DNM1L: variants seen among roughly 807,000 people sequenced by gnomAD.
The protein encoded by DNM1L is dynamin 1L.
In DNM1L, 33 loss-of-function variants were observed where a neutral mutation model predicts 92.8. The observed-to-expected ratio is 0.36, with a 90% CI of 0.27 to 0.48. The LOEUF (loss-of-function observed/expected upper bound fraction) is 0.48. Among genes scored for constraint, DNM1L ranks in the 20% least tolerant of loss-of-function variants. The probability of loss-of-function intolerance (pLI) is 0.99; values close to 1 mark genes in which losing one functional copy is unlikely to be tolerated. For synonymous variants in DNM1L, 284 were observed against 305.0 expected (o/e 0.93, Z 0.72); for missense variants, 485 against 888.8 (o/e 0.55, Z 5.78).
chr12:32,742,964 C>T (rs1040497869), intron 19 of DNM1L, among the ~76,000 whole-genome samples: 4 of 137,582 alleles, frequency 2.9e-5, no homozygotes, highest in Admixed American at 7.9e-5. Context: ...GGCACAATCT[C>T]GGCTCACTGC....
At chr12:32,736,992 TGA>T in intron 13 of DNM1L, 111 bp from the exon 14 acceptor site, 1 of 955,162 alleles carries the variant, frequency 1.0e-6, no homozygotes, top group East Asian at 2.6e-5. Flanking sequence ...GTCCCAACAG[TGA>T]GAGGATGTAT....
At chr12:32,686,335 CTG>C (rs1264134027) in intron 1 of DNM1L, among the ~76,000 whole-genome samples, 1 of 152,182 alleles carries the variant, frequency 6.6e-6, no homozygotes, top group African/African-American at 2.4e-5. Flanking sequence ...GTGTGAGCCA[CTG>C]TGCCCAGCCA....
At chr12:32,693,480 C>T (rs926863864) in intron 1 of DNM1L, among the ~76,000 whole-genome samples, 1 of 152,032 alleles carries the variant, frequency 6.6e-6, no homozygotes, top group African/African-American at 2.4e-5. Flanking sequence ...TGGTTTTGTA[C>T]ATTTTGTATA....
intron 1 of DNM1L, among the ~76,000 whole-genome samples, chr12:32,691,999 A>G (rs946497296): frequency 1.0e-4 from 13 of 130,398 alleles, no homozygotes; most frequent in Non-Finnish European, 4.7e-5. Flanking sequence ...GGGAAAGAGA[A>G]TCAGACTGGC....
At chr12:32,735,948 A>T (rs1473874383) in intron 13 of DNM1L, among the ~76,000 whole-genome samples, 1 of 152,096 alleles carries the variant, frequency 6.6e-6, no homozygotes, top group African/African-American at 2.4e-5. Context: ...TGTGTTCATG[A>T]AATACTTCCT....
At chr12:32,695,433 C>T (rs1952402339) in intron 1 of DNM1L, among the ~76,000 whole-genome samples, 1 of 151,880 alleles carries the variant, frequency 6.6e-6, no homozygotes, top group South Asian at 2.1e-4. Context: ...AATTAATTTG[C>T]ATAAGAAAAA....
At chr12:32,729,255 G>A (rs1345402355) in intron 9 of DNM1L, among the ~76,000 whole-genome samples, 2 of 150,984 alleles carry the variant, frequency 1.3e-5, no homozygotes, top group Non-Finnish European at 2.9e-5. Flanking sequence ...CTAATTTTTT[G>A]TATTTTTAGT....
At chr12:32,729,559 C>A (rs1954405233) in intron 9 of DNM1L, among the ~76,000 whole-genome samples, 1 of 152,148 alleles carries the variant, frequency 6.6e-6, no homozygotes, top group South Asian at 2.1e-4. Flanking sequence ...AAGCAATCAT[C>A]CTGCCTCAGC....
At chr12:32,688,468 G>A (rs1440031376) in intron 1 of DNM1L, among the ~76,000 whole-genome samples, 1 of 152,106 alleles carries the variant, frequency 6.6e-6, no homozygotes, top group Non-Finnish European at 1.5e-5. Context: ...ATAAAAGAAT[G>A]GCTACTCCAT....
At chr12:32,740,021 CAG>C in intron 16 of DNM1L, 41 bp from the exon 17 acceptor site, 1 of 1,603,556 alleles carries the variant, frequency 6.2e-7, no homozygotes, top group Non-Finnish European at 8.5e-7. Context: ...TAGTTAAGGT[CAG>C]ATATGATGTG....
At position 32,689,095 on chromosome 12, in the gene DNM1L, A is replaced by G. The variant is rs558810201; in HGVS notation, c.102+9630A>G. Among the ~76,000 whole-genome samples the G allele has an allele frequency of 3.3e-3, 505 of 152,322 alleles. 2 individuals are homozygous for G. Among genetic ancestry groups the G allele is most frequent in the Non-Finnish European group, 6.0e-3 (408 of 68,028 alleles). ...CTCTTAAGAACAAAAAACACCCCAC[A>G]TATTAACTACAAATTATGAAGTGGT... On this transcript the variant is annotated intron_variant, in intron 1 of 19. Coordinates refer to ENST00000549701, the MANE Select transcript of DNM1L (RefSeq NM_012062.5).
chr12:32,722,006 C>T (rs1953834707), intron 8 of DNM1L, among the ~76,000 whole-genome samples: 1 of 152,188 alleles, frequency 6.6e-6, no homozygotes, highest in Admixed American at 6.5e-5. Flanking sequence ...CTGGGCACAC[C>T]ACACTCCAGG....
chr12:32,689,627 T>TAA (rs61221405), intron 1 of DNM1L, among the ~76,000 whole-genome samples: 23,393 of 152,144 alleles, frequency 0.15, 1,899 homozygotes, highest in Middle Eastern at 0.21. Context: ...AGTAAAATAT[T>TAA]GAGACATATA....
chr12:32,717,112 T>C, intron 6 of DNM1L, among the ~76,000 whole-genome samples: 1 of 119,102 alleles, frequency 8.4e-6, no homozygotes, highest in East Asian at 2.2e-4. Context: ...TATATATTTA[T>C]ATATATTTTA....
At chr12:32,726,242 TTAAA>T (rs1325934496) in intron 9 of DNM1L, 1 of 693,234 alleles carries the variant, frequency 1.4e-6, no homozygotes, top group African/African-American at 1.8e-5. Flanking sequence ...AGATTGGTCT[TTAAA>T]ATATCAGTTT....
At chr12:32,680,921 T>C (rs1003841770) in intron 1 of DNM1L, among the ~76,000 whole-genome samples, 1 of 152,242 alleles carries the variant, frequency 6.6e-6, no homozygotes. Context: ...CTAGAAACTT[T>C]CCACATACTT....
chr12:32,710,846 G>T, intron 4 of DNM1L, 83 bp from the exon 5 acceptor site: 1 of 1,127,404 alleles, frequency 8.9e-7, no homozygotes, highest in Non-Finnish European at 1.3e-6. Context: ...ATTTTTAAAA[G>T]CATTAATGTC....
intron 2 of DNM1L, among the ~76,000 whole-genome samples, chr12:32,703,198 C>G (rs1592595459): frequency 6.6e-6 from 1 of 152,024 alleles, no homozygotes; most frequent in Non-Finnish European, 1.5e-5. Flanking sequence ...TACATTTCAG[C>G]TATCGTAGTG....
chr12:32,723,777 A>G (rs1565525355), intron 9 of DNM1L, among the ~76,000 whole-genome samples: 1 of 150,762 alleles, frequency 6.6e-6, no homozygotes, highest in East Asian at 1.9e-4. Context: ...CTACCAAAAC[A>G]AACAAAAAAA....
Sources: allele counts gnomAD v4.1 joint callset (sites outside exome capture counted in the v4.1 genomes callset), GRCh38; gene constraint gnomAD v4.1.1; transcripts MANE v1.5; gene names NCBI Gene and HGNC (gene_info 2026-07-23, HGNC 2026-07-21).